Variants in SLC26A7 observed in about 807,000 individuals in gnomAD.
SLC26A7 encodes anion exchange transporter.
In SLC26A7, 59 loss-of-function variants were observed where a neutral mutation model predicts 82.5. The observed-to-expected ratio is 0.72, with a 90% CI of 0.58 to 0.89. The LOEUF (loss-of-function observed/expected upper bound fraction) is 0.89. Among genes scored for constraint, SLC26A7 ranks in the 40% least tolerant of loss-of-function variants. SLC26A7 has a pLI of 0.00. For synonymous variants in SLC26A7, 271 were observed against 274.3 expected, an observed-to-expected ratio of 0.99 and a Z score of 0.12; for missense variants, 820 against 793.0, an observed-to-expected ratio of 1.03 and a Z score of -0.41.
At chr8:91,232,822 T>C (rs368856397) in intron 2 of SLC26A7, among the ~76,000 whole-genome samples, 1 of 152,188 alleles carries the variant, frequency 6.6e-6, no homozygotes, top group East Asian at 1.9e-4. Context: ...CTAAACAAAA[T>C]GTTGCTTTTA....
intron 2 of SLC26A7, among the ~76,000 whole-genome samples, chr8:91,251,207 T>C (rs1360553380): frequency 1.3e-5 from 2 of 152,164 alleles, no homozygotes; most frequent in Non-Finnish European, 1.5e-5. Flanking sequence ...AAGTTATCTA[T>C]GGTGTATCAT....
chr8:91,316,430 T>C (rs1395088408), intron 4 of SLC26A7, among the ~76,000 whole-genome samples: 1 of 136,762 alleles, frequency 7.3e-6, no homozygotes, highest in African/African-American at 2.7e-5. Context: ...CTACAGGAAC[T>C]CGCTGCCACA....
At chr8:91,236,453 G>T (rs1333038965) in intron 2 of SLC26A7, among the ~76,000 whole-genome samples, 1 of 152,042 alleles carries the variant, frequency 6.6e-6, no homozygotes, top group African/African-American at 2.4e-5. Context: ...CCCTCATGTT[G>T]TCAAGTGTGC....
At chr8:91,348,496 T>A (rs1813626827) in intron 9 of SLC26A7, 2 of 362,310 alleles carry the variant, frequency 5.5e-6, no homozygotes, top group Non-Finnish European at 7.7e-6. Context: ...AAATATAGAT[T>A]ATTTCATTAT....
At chr8:91,272,798 A>G (rs1480711090) in intron 2 of SLC26A7, among the ~76,000 whole-genome samples, 2 of 152,210 alleles carry the variant, frequency 1.3e-5, no homozygotes, top group Admixed American at 1.3e-4. Flanking sequence ...AAGGAGGGCT[A>G]TGGAGGGACA....
chr8:91,276,299 A>G (rs1185058691), intron 2 of SLC26A7, among the ~76,000 whole-genome samples: 1 of 152,230 alleles, frequency 6.6e-6, no homozygotes, highest in East Asian at 1.9e-4. Flanking sequence ...GAATTTCAAA[A>G]TCAAGTTTAA....
chr8:91,214,363 A>G (rs968484204), intron 1 of SLC26A7, among the ~76,000 whole-genome samples: 1 of 152,180 alleles, frequency 6.6e-6, no homozygotes. Flanking sequence ...AGTTGGAGAC[A>G]GACTGGCATG....
At chr8:91,338,960 T>C (rs1402943334) in intron 7 of SLC26A7, among the ~76,000 whole-genome samples, 1 of 152,158 alleles carries the variant, frequency 6.6e-6, no homozygotes, top group African/African-American at 2.4e-5. Flanking sequence ...TTTTTGTTTC[T>C]AATTACATGA....
intron 4 of SLC26A7, among the ~76,000 whole-genome samples, chr8:91,316,952 G>A (rs754928420): frequency 1.8e-5 from 2 of 109,596 alleles, no homozygotes; most frequent in Non-Finnish European, 3.4e-5. Context: ...CCAAGATTTT[G>A]AAACTAGCTT....
At chr8:91,307,815 A>AT (rs1812363074) in intron 4 of SLC26A7, among the ~76,000 whole-genome samples, 1 of 32,942 alleles carries the variant, frequency 3.0e-5, no homozygotes, top group Admixed American at 1.5e-4. Flanking sequence ...AAATAAATAA[A>AT]TAAAAAAAAT....
rs111834064 is a variant in SLC26A7, at chr8:91,303,180, G to A, written c.477+7477G>A. ...GCACACTCACAGTAATGAAATGCTA[G>A]TTTTAAAATGCCAGTATCAATTAGC... On this transcript the variant is annotated intron_variant, in intron 4 of 18. Coordinates refer to ENST00000276609, the MANE Select transcript of SLC26A7 (RefSeq NM_052832.4). Among the ~76,000 whole-genome samples, 223 of 152,316 alleles carry A rather than the reference G, an allele frequency of 1.5e-3. 2 individuals are homozygous for A. The highest frequency in any genetic ancestry group is 5.3e-3 in the African/African-American group (220 of 41,582).
At chr8:91,286,657 C>G (rs1811719732) in intron 2 of SLC26A7, among the ~76,000 whole-genome samples, 1 of 152,170 alleles carries the variant, frequency 6.6e-6, no homozygotes, top group East Asian at 1.9e-4. Flanking sequence ...TAATTTTGCT[C>G]TTATTTGAAT....
At chr8:91,291,110 G>A (rs1240609149) in intron 3 of SLC26A7, among the ~76,000 whole-genome samples, 4 of 152,024 alleles carry the variant, frequency 2.6e-5, no homozygotes, top group Non-Finnish European at 5.9e-5. Flanking sequence ...TGAGAACCAT[G>A]GATGTTCTAT....
chr8:91,360,755 AATT>A (rs754839457), intron 11 of SLC26A7, among the ~76,000 whole-genome samples: 66 of 152,226 alleles, frequency 4.3e-4, no homozygotes, highest in Admixed American at 3.0e-3. Flanking sequence ...GGCCCAGAGG[AATT>A]AGACTTATAA....
intron 2 of SLC26A7, among the ~76,000 whole-genome samples, chr8:91,271,112 A>G (rs1218648688): frequency 6.6e-6 from 1 of 152,160 alleles, no homozygotes; most frequent in Non-Finnish European, 1.5e-5. Context: ...TGTACTTCTC[A>G]TCTTTAAGAC....
intron 15 of SLC26A7, among the ~76,000 whole-genome samples, chr8:91,378,635 T>A (rs1296846766): frequency 2.6e-5 from 4 of 151,788 alleles, no homozygotes; most frequent in Non-Finnish European, 5.9e-5. Flanking sequence ...ACATTAAACT[T>A]GGGCTGTTGT....
chr8:91,319,217 T>TA (rs879850409), intron 5 of SLC26A7, among the ~76,000 whole-genome samples: 1 of 152,178 alleles, frequency 6.6e-6, no homozygotes, highest in Non-Finnish European at 1.5e-5. Context: ...CCTCTTTATT[T>TA]GCATATTATT....
intron 6 of SLC26A7, among the ~76,000 whole-genome samples, chr8:91,337,021 C>G (rs1426629961): frequency 6.6e-6 from 1 of 152,088 alleles, no homozygotes; most frequent in Non-Finnish European, 1.5e-5. Context: ...TTAGCTACTA[C>G]TAGTTTCTTT....
At chr8:91,231,830 C>T (rs56339637) in intron 2 of SLC26A7, among the ~76,000 whole-genome samples, 3,889 of 151,784 alleles carry the variant, frequency 0.026, 182 homozygotes, top group African/African-American at 0.087. Flanking sequence ...GTCTTTTTTC[C>T]CTGTTTTGTT....
Sources: allele counts gnomAD v4.1 joint callset (sites outside exome capture counted in the v4.1 genomes callset), GRCh38; gene constraint gnomAD v4.1.1; transcripts MANE v1.5; gene names NCBI Gene and HGNC (gene_info 2026-07-23, HGNC 2026-07-21).